Variants in NELL1 observed in about 807,000 individuals in gnomAD.
NELL1 encodes neural EGFL like 1, also known as protein kinase C-binding protein NELL1.
A neutral mutation model predicts 107.4 loss-of-function variants in NELL1; 76 were observed. The ratio of observed to expected loss-of-function variants is 0.71; its 90% CI spans 0.59 to 0.86. The LOEUF is 0.86. Ranked by LOEUF, NELL1 falls within the 40% of genes least tolerant of loss-of-function variation. NELL1 has a pLI of 0.00. For missense variants in NELL1, 1,024 were observed against 1,005.5 expected, an observed-to-expected ratio of 1.02 and a Z score of -0.25; for synonymous variants, 353 against 341.2, an observed-to-expected ratio of 1.03 and a Z score of -0.38.
At chr11:21,105,739 A>G in intron 12 of NELL1, among the ~76,000 whole-genome samples, 1 of 151,238 alleles carries the variant, frequency 6.6e-6, no homozygotes, top group Admixed American at 6.6e-5. Context: ...CTATCTGCCT[A>G]AATAATTTCT....
chr11:21,524,978 G>A (rs1038024726), intron 15 of NELL1, among the ~76,000 whole-genome samples: 1 of 152,164 alleles, frequency 6.6e-6, no homozygotes, highest in African/African-American at 2.4e-5. Flanking sequence ...GAAATGAAGA[G>A]ACCTATGAGA....
intron 2 of NELL1, among the ~76,000 whole-genome samples, chr11:20,711,217 A>T (rs1855105531): frequency 6.6e-6 from 1 of 152,056 alleles, no homozygotes; most frequent in Non-Finnish European, 1.5e-5. Context: ...GGTTTTGAAA[A>T]GTTGTGTCCC....
rs566109100 is a variant in NELL1 at position 20,959,382 on chromosome 11, A to C, written c.1172-1050A>C. ...AAAAGACACTTGCACGTGCATGTTGATAGCAGCACAATTCACAATTGCAAA... is the reference window on the plus strand; with the variant it reads ...AAAAGACACTTGCACGTGCATGTTGCTAGCAGCACAATTCACAATTGCAAA... On this transcript the variant is annotated intron_variant, in intron 11 of 19. Coordinates refer to ENST00000357134, the MANE Select transcript of NELL1 (RefSeq NM_006157.5). Among the ~76,000 whole-genome samples, 12 of 152,356 alleles carry C rather than the reference A, an allele frequency of 7.9e-5. No individual in the cohort carries two copies. The East Asian group carries it at 1.7e-3, about 22-fold the overall frequency.
intron 15 of NELL1, among the ~76,000 whole-genome samples, chr11:21,374,059 A>G (rs958500187): frequency 6.6e-6 from 1 of 152,108 alleles, no homozygotes; most frequent in East Asian, 1.9e-4. Flanking sequence ...GAGAATTTTC[A>G]CATGTAAAAT....
chr11:20,801,022 G>C (rs1857271705), intron 3 of NELL1, among the ~76,000 whole-genome samples: 1 of 152,048 alleles, frequency 6.6e-6, no homozygotes, highest in South Asian at 2.1e-4. Flanking sequence ...AAAAAATCCA[G>C]CTTTCCACCT....
rs2134380105 is a variant in NELL1 at position 21,071,864 on chromosome 11, T to A, written c.1301-41725T>A. Among the ~76,000 whole-genome samples, 3 of 152,288 alleles carry A rather than the reference T, an allele frequency of 2.0e-5. No homozygotes were observed. The East Asian group carries it at 5.8e-4, about 29-fold the overall frequency. On this transcript the variant is annotated intron_variant, in intron 12 of 19. Transcript: ENST00000357134. ...ATTTCTATTTCCTTCCTTTAAATAATGAGAGTATCTTTGAGTGAATGTATT... is the reference window on the plus strand; with the variant it reads ...ATTTCTATTTCCTTCCTTTAAATAAAGAGAGTATCTTTGAGTGAATGTATT...
chr11:20,699,228 A>AAC (rs1355413938), intron 2 of NELL1, among the ~76,000 whole-genome samples: 1 of 152,056 alleles, frequency 6.6e-6, no homozygotes, highest in African/African-American at 2.4e-5. Context: ...AAAACAAACA[A>AAC]AAAAAACAAA....
At chr11:21,300,372 A>C (rs1180202743) in intron 14 of NELL1, among the ~76,000 whole-genome samples, 1 of 151,976 alleles carries the variant, frequency 6.6e-6, no homozygotes, top group African/African-American at 2.4e-5. Flanking sequence ...AGGTAGGGAC[A>C]AGTGAGGTAG....
In NELL1 at chr11:21,575,001, T is replaced by C. The variant is rs150123730; in HGVS notation, c.2412T>C (p.Phe804=). The change falls in exon 20 of 20, where the codon TTT becomes TTC. Residue 804 remains phenylalanine (F), a synonymous_variant. Coordinates refer to ENST00000357134, the MANE Select transcript of NELL1 (RefSeq NM_006157.5). ...GAAGAGTCTGTTGTTCTGTGGATTT[T>C]GAGTGTCTTCAAAATAATTGAAGTA... ...KNGRVCCSVD[F]ECLQNN 2.7e-5 allele frequency: 44 copies of C among 1,610,984 alleles called. No homozygotes were observed. The highest frequency in any genetic ancestry group is 3.4e-5 in the Non-Finnish European group (40 of 1,178,084).
chr11:20,921,271 A>G lies in NELL1; in HGVS notation c.759+1937A>G, dbSNP rs934999054. On this transcript the variant is annotated intron_variant, in intron 7 of 19. Coordinates refer to ENST00000357134, the MANE Select transcript of NELL1 (RefSeq NM_006157.5). ...CAACCATTGATCTAAAAGAAATGGA[A>G]AAGTCAGTAATACAAGCATTTACTA... is the stretch of plus-strand genomic sequence containing the variant. Among the ~76,000 whole-genome samples, 12 of 152,290 alleles carry G rather than the reference A, an allele frequency of 7.9e-5. 1 individual carries two copies. The highest frequency in any genetic ancestry group is 3.4e-3 in the Middle Eastern group (1 of 294).
chr11:20,923,242 A>G (rs1850419650), intron 7 of NELL1, among the ~76,000 whole-genome samples: 1 of 152,130 alleles, frequency 6.6e-6, no homozygotes, highest in Admixed American at 6.6e-5. Flanking sequence ...AGATCAGCCC[A>G]GGGGTCTGTG....
At chr11:20,770,998 G>A (rs1856628978) in intron 2 of NELL1, 1 of 141,194 alleles carries the variant, frequency 7.1e-6, no homozygotes, top group Non-Finnish European at 1.6e-5. Context: ...GTTGTTTCTG[G>A]AAAGACCCCT....
At chr11:21,237,843 T>C (rs1858249477) in intron 14 of NELL1, among the ~76,000 whole-genome samples, 2 of 152,238 alleles carry the variant, frequency 1.3e-5, no homozygotes, top group Non-Finnish European at 2.9e-5. Context: ...TTCTTTATAG[T>C]CAGTAAATGC....
chr11:20,874,396 G>C (rs1256867375), intron 4 of NELL1, among the ~76,000 whole-genome samples: 1 of 152,170 alleles, frequency 6.6e-6, no homozygotes, highest in Non-Finnish European at 1.5e-5. Context: ...AATTAATTGA[G>C]GGTTTTTAGC....
At chr11:20,976,709 T>C (rs1381406084) in intron 12 of NELL1, among the ~76,000 whole-genome samples, 1 of 152,206 alleles carries the variant, frequency 6.6e-6, no homozygotes, top group Non-Finnish European at 1.5e-5. Flanking sequence ...TATCATTCCA[T>C]AAAACCAGAA....
chr11:21,375,679 G>T (rs1851457570), intron 15 of NELL1, among the ~76,000 whole-genome samples: 1 of 152,116 alleles, frequency 6.6e-6, no homozygotes, highest in Non-Finnish European at 1.5e-5. Context: ...CAATGTATAA[G>T]TGTTCCCTTT....
chr11:20,976,128 T>C (rs1018352386), intron 12 of NELL1, among the ~76,000 whole-genome samples: 1 of 110,582 alleles, frequency 9.0e-6, no homozygotes, highest in Non-Finnish European at 1.9e-5. Context: ...ATGTATTATG[T>C]ATACACATGT....
chr11:21,229,166 T>C (rs1375175563), intron 13 of NELL1, among the ~76,000 whole-genome samples, 166 bp from the exon 14 acceptor site: 1 of 152,204 alleles, frequency 6.6e-6, no homozygotes, highest in African/African-American at 2.4e-5. Context: ...AATAACATCT[T>C]TCTTTCAGAG....
At chr11:21,218,790 G>A (rs989846822) in intron 13 of NELL1, among the ~76,000 whole-genome samples, 3 of 152,096 alleles carry the variant, frequency 2.0e-5, no homozygotes, top group African/African-American at 7.2e-5. Context: ...TGTCTTCAAA[G>A]CTCATCGATG....
Sources: gnomAD v4.1 joint callset for allele counts (sites outside exome capture counted in the v4.1 genomes callset) on GRCh38, gnomAD v4.1.1 for gene constraint, MANE v1.5 for transcripts, NCBI Gene and HGNC (gene_info 2026-07-23, HGNC 2026-07-21) for gene names.